PSD3: variants seen among roughly 807,000 people sequenced by gnomAD.
PSD3 encodes PH and SEC7 domain-containing protein 3.
A neutral mutation model predicts 105.5 loss-of-function variants in PSD3; 49 were observed. The ratio of observed to expected loss-of-function variants is 0.46; its 90% CI spans 0.37 to 0.59. The LOEUF (loss-of-function observed/expected upper bound fraction) is 0.59. PSD3 is among the 20% of genes least tolerant of loss of function. The pLI is 0.00. For synonymous variants in PSD3, 557 were observed against 457.8 expected (o/e 1.22, Z -2.77); for missense variants, 1,561 against 1,263.8 (o/e 1.24, Z -3.57).
intron 9 of PSD3, among the ~76,000 whole-genome samples, chr8:18,718,694 T>C (rs759653094): frequency 6.6e-6 from 1 of 152,142 alleles, no homozygotes; most frequent in Non-Finnish European, 1.5e-5. Context: ...AGAAAACCGC[T>C]AAAAACCTTT....
intron 14 of PSD3, 90 bp from the exon 15 acceptor site, chr8:18,556,442 A>G: frequency 7.3e-7 from 1 of 1,370,550 alleles, no homozygotes; most frequent in Non-Finnish European, 1.0e-6. Flanking sequence ...CCTGTGCTGA[A>G]TGACTTTAAT....
intron 8 of PSD3, among the ~76,000 whole-genome samples, chr8:18,773,396 T>C (rs968379477): frequency 6.6e-6 from 1 of 152,188 alleles, no homozygotes; most frequent in African/African-American, 2.4e-5. Context: ...AGCTTTGTAA[T>C]ATGTTTAAAA....
intron 2 of PSD3, among the ~76,000 whole-genome samples, chr8:18,922,813 T>C (rs1250790342): frequency 1.3e-5 from 2 of 152,090 alleles, no homozygotes; most frequent in African/African-American, 2.4e-5. Context: ...CAACTTCTGA[T>C]AAAGGCTGTT....
intron 9 of PSD3, among the ~76,000 whole-genome samples, chr8:18,737,465 C>G (rs1055003518): frequency 6.6e-6 from 1 of 152,014 alleles, no homozygotes; most frequent in African/African-American, 2.4e-5. Flanking sequence ...GTGGGACTTA[C>G]TTTTTTAAAT....
At chr8:18,538,010 A>G in intron 15 of PSD3, among the ~76,000 whole-genome samples, 1 of 152,222 alleles carries the variant, frequency 6.6e-6, no homozygotes, top group East Asian at 1.9e-4. Flanking sequence ...CTTAACATGG[A>G]CATGACTCCT....
chr8:18,849,260 T>C (rs1173925329), intron 4 of PSD3: 2 of 152,256 alleles, frequency 1.3e-5, no homozygotes, highest in African/African-American at 2.4e-5. Flanking sequence ...TCACAGACAA[T>C]TACTCATTCA....
At chr8:18,729,296 A>G (rs976075805) in intron 9 of PSD3, among the ~76,000 whole-genome samples, 2 of 152,236 alleles carry the variant, frequency 1.3e-5, no homozygotes, top group African/African-American at 4.8e-5. Flanking sequence ...TGAGCTAAGG[A>G]AACAGCTCTA....
chr8:18,904,220 G>C (rs1453424849), intron 2 of PSD3, among the ~76,000 whole-genome samples: 2 of 152,066 alleles, frequency 1.3e-5, no homozygotes, highest in South Asian at 2.1e-4. Flanking sequence ...TAAACAACTA[G>C]GTCTTATATA....
At chr8:18,608,268 G>C (rs1373934740) in intron 11 of PSD3, among the ~76,000 whole-genome samples, 1 of 152,160 alleles carries the variant, frequency 6.6e-6, no homozygotes, top group Non-Finnish European at 1.5e-5. Context: ...TTGAGCTGTT[G>C]GGAAAAGCAC....
At chr8:18,674,058 A>C (rs1008263643) in intron 9 of PSD3, among the ~76,000 whole-genome samples, 1 of 152,014 alleles carries the variant, frequency 6.6e-6, no homozygotes, top group Non-Finnish European at 1.5e-5. Flanking sequence ...ACTTGGGAGG[A>C]TTCCTTGAGC....
chr8:18,593,683 A>G (rs543153765), intron 12 of PSD3, among the ~76,000 whole-genome samples: 1 of 152,238 alleles, frequency 6.6e-6, no homozygotes, highest in South Asian at 2.1e-4. Context: ...ACGTACGTTT[A>G]TTGCAGCACT....
At chr8:18,695,477 T>A (rs767975606) in intron 9 of PSD3, among the ~76,000 whole-genome samples, 1 of 152,256 alleles carries the variant, frequency 6.6e-6, no homozygotes, top group Non-Finnish European at 1.5e-5. Flanking sequence ...AAGGATTCCA[T>A]AGAACTGTGG....
At chr8:18,884,216 C>T (rs1295682051) in intron 2 of PSD3, among the ~76,000 whole-genome samples, 1 of 151,952 alleles carries the variant, frequency 6.6e-6, no homozygotes, top group Non-Finnish European at 1.5e-5. Context: ...AAAAAAAAAT[C>T]TCAAATGCAT....
chr8:18,572,849 A>G (rs1388265801), intron 13 of PSD3, among the ~76,000 whole-genome samples, 177 bp from the exon 14 acceptor site: 1 of 152,196 alleles, frequency 6.6e-6, no homozygotes, highest in Non-Finnish European at 1.5e-5. Context: ...CGATCACCAA[A>G]GAAGCTATGA....
At chr8:18,927,481 G>A (rs1201874772) in intron 2 of PSD3, among the ~76,000 whole-genome samples, 2 of 152,134 alleles carry the variant, frequency 1.3e-5, no homozygotes, top group Admixed American at 1.3e-4. Context: ...CAAAGTACTG[G>A]GAAGACAGGG....
At chr8:18,859,278 TAGTC>T (rs905467288) in intron 4 of PSD3, among the ~76,000 whole-genome samples, 3 of 145,868 alleles carry the variant, frequency 2.1e-5, no homozygotes, top group African/African-American at 7.8e-5. Context: ...GGGCTTAAAA[TAGTC>T]AGTAAATCAT....
chr8:18,646,563 T>C (rs1229443994), intron 10 of PSD3, among the ~76,000 whole-genome samples: 2 of 152,102 alleles, frequency 1.3e-5, no homozygotes, highest in African/African-American at 2.4e-5. Context: ...CTGATTCTAA[T>C]GTTGGCAAAT....
In PSD3 at chr8:18,575,273, G is replaced by T; in HGVS notation, c.2494C>A (p.Pro832Thr). The change falls in exon 13 of 16, where the codon CCA (proline) becomes ACA (threonine). Residue 832 changes from proline (P) to threonine (T), a missense_variant. Pro to Thr is a conservative substitution (Grantham distance 38). Coordinates refer to ENST00000327040, the MANE Select transcript of PSD3 (RefSeq NM_015310.4). ...VLYLQKDEYKPEKALSEEDLK... is the reference protein window; with the variant it reads ...VLYLQKDEYKTEKALSEEDLK... ...TCCTCTTCAGACAAGGCCTTTTCTG[G>T]CTTGTATTCATCCTATAGATGGACA... 1 of 1,608,356 alleles carries T rather than the reference G, an allele frequency of 6.2e-7. No homozygotes were observed. Among genetic ancestry groups the T allele is most frequent in the East Asian group, 2.2e-5 (1 of 44,582 alleles).
intron 1 of PSD3, among the ~76,000 whole-genome samples, chr8:19,066,059 C>T (rs1435175296): frequency 6.6e-6 from 1 of 152,216 alleles, no homozygotes; most frequent in African/African-American, 2.4e-5. Flanking sequence ...AAACTCACCT[C>T]CCTTGGTCAA....
Sources: gnomAD v4.1 joint callset for allele counts (sites outside exome capture counted in the v4.1 genomes callset) on GRCh38, gnomAD v4.1.1 for gene constraint, MANE v1.5 for transcripts, NCBI Gene and HGNC (gene_info 2026-07-23, HGNC 2026-07-21) for gene names.